PTPRT: variants seen among roughly 807,000 people sequenced by gnomAD.
The protein encoded by PTPRT is protein tyrosine phosphatase receptor type T, also known as receptor-type tyrosine-protein phosphatase T.
Under a neutral mutation model 176.8 loss-of-function variants are expected in PTPRT, and 56 were observed. The observed-to-expected ratio is 0.32, with a 90% CI of 0.26 to 0.40. PTPRT has a LOEUF of 0.40. Ranked by LOEUF, PTPRT falls within the 10% of genes least tolerant of loss-of-function variation. The pLI is 1.00. For missense variants in PTPRT, 1,540 were observed against 1,908.2 expected (o/e 0.81, Z 3.60); for synonymous variants, 783 against 739.0 (o/e 1.06, Z -0.96).
At chr20:42,394,793 A>G (rs1436535479) in intron 9 of PTPRT, among the ~76,000 whole-genome samples, 1 of 152,222 alleles carries the variant, frequency 6.6e-6, no homozygotes, top group Non-Finnish European at 1.5e-5. Flanking sequence ...TCAGTGCAAT[A>G]ATGAACAACT....
intron 12 of PTPRT, among the ~76,000 whole-genome samples, chr20:42,294,701 A>C (rs2147098398): frequency 6.6e-6 from 1 of 152,208 alleles, no homozygotes; most frequent in South Asian, 2.1e-4. Flanking sequence ...AACAGTCTAG[A>C]AGTAATATTA....
intron 6 of PTPRT, among the ~76,000 whole-genome samples, chr20:42,696,709 C>A (rs1306244867): frequency 1.3e-5 from 2 of 152,062 alleles, no homozygotes; most frequent in Non-Finnish European, 2.9e-5. Flanking sequence ...CCTGCTTTGG[C>A]CTTCCGAAGT....
At chr20:42,920,064 A>C (rs1029232651) in intron 1 of PTPRT, among the ~76,000 whole-genome samples, 5 of 152,246 alleles carry the variant, frequency 3.3e-5, no homozygotes, top group Non-Finnish European at 7.3e-5. Context: ...TGAATGTCCT[A>C]GATGATCAAG....
At chr20:42,856,747 A>G (rs2078570339) in intron 2 of PTPRT, among the ~76,000 whole-genome samples, 2 of 152,136 alleles carry the variant, frequency 1.3e-5, no homozygotes, top group Non-Finnish European at 2.9e-5. Flanking sequence ...GTCATCGTCA[A>G]TGACAGGACA....
chr20:42,657,539 G>T (rs6030397), intron 7 of PTPRT, among the ~76,000 whole-genome samples: 1 of 152,068 alleles, frequency 6.6e-6, no homozygotes, highest in African/African-American at 2.4e-5. Context: ...GCTTTATCTA[G>T]GTTGATGGCA....
Position 42,248,820 on chromosome 20 carries a change from C to A in PTPRT, c.2179G>T (p.Ala727Ser), listed in dbSNP as rs755171131. The change falls in exon 14 of 31, where the codon GCC becomes TCC. Residue 727 changes from alanine to serine, a missense_variant and splice_region_variant. Coordinates refer to ENST00000373187, the MANE Select transcript of PTPRT (RefSeq NM_007050.6). ...ACAGTGTTAGAATTCTGGGTGGAGG[C>A]ACCTAGGAAGGGAAAGGGAAGGATA... is the stretch of plus-strand genomic sequence containing the variant. Reference protein sequence around the residue: ...INCVRLATKGASTQNSNTVEP... With the variant: ...INCVRLATKGSSTQNSNTVEP... 1 of 1,613,698 alleles carries A rather than the reference C, an allele frequency of 6.2e-7. No individual in the cohort carries two copies. The highest frequency in any genetic ancestry group is 1.7e-5 in the Admixed American group (1 of 60,010).
intron 1 of PTPRT, among the ~76,000 whole-genome samples, chr20:42,975,893 A>C (rs1382035501): frequency 6.6e-6 from 1 of 151,708 alleles, no homozygotes; most frequent in East Asian, 1.9e-4. Flanking sequence ...ATTAAAAATT[A>C]AAAAAAACTA....
chr20:42,268,975 G>A (rs1276492707), intron 13 of PTPRT, among the ~76,000 whole-genome samples: 1 of 152,168 alleles, frequency 6.6e-6, no homozygotes, highest in Non-Finnish European at 1.5e-5. Context: ...AGGAGGTCAT[G>A]CATTCCCATG....
intron 5 of PTPRT, among the ~76,000 whole-genome samples, chr20:42,762,428 T>G (rs8126191): frequency 6.6e-6 from 1 of 152,050 alleles, no homozygotes; most frequent in African/African-American, 2.4e-5. Context: ...AGTCCCTTAA[T>G]GGAAAGCAAG....
chr20:42,573,395 G>A (rs2073193923), intron 7 of PTPRT, among the ~76,000 whole-genome samples: 1 of 152,138 alleles, frequency 6.6e-6, no homozygotes, highest in Admixed American at 6.5e-5. Flanking sequence ...CCATAGATAG[G>A]AGCTTTTCTG....
In PTPRT at chr20:42,185,063, AC is replaced by A. The variant is rs537907281; in HGVS notation, c.2491+14176del. Among the ~76,000 whole-genome samples, 206 of 151,976 alleles carry A rather than the reference AC, an allele frequency of 1.4e-3. 1 individual carries two copies. In the Middle Eastern group the frequency reaches 0.02, roughly 15 times the overall value. On this transcript the variant is annotated intron_variant, in intron 16 of 30. Coordinates refer to ENST00000373187, the MANE Select transcript of PTPRT (RefSeq NM_007050.6). ...GTCCAAATATCTTCCTTTTTACCTC[AC>A]AGTTTTTACTTCGGAGTTTCAATAA... is the stretch of plus-strand genomic sequence containing the variant.
At chr20:42,678,987 C>G (rs975877767) in intron 6 of PTPRT, among the ~76,000 whole-genome samples, 1 of 152,188 alleles carries the variant, frequency 6.6e-6, no homozygotes, top group Non-Finnish European at 1.5e-5. Context: ...TCAACCCCAG[C>G]AGGTTTCTTC....
At chr20:42,702,308 C>G (rs1321761139) in intron 6 of PTPRT, among the ~76,000 whole-genome samples, 1 of 152,102 alleles carries the variant, frequency 6.6e-6, no homozygotes, top group African/African-American at 2.4e-5. Context: ...AAGGTATTCT[C>G]TTCATCTTCT....
At chr20:42,985,806 C>T (rs1252707433) in intron 1 of PTPRT, among the ~76,000 whole-genome samples, 3 of 152,062 alleles carry the variant, frequency 2.0e-5, no homozygotes, top group East Asian at 1.9e-4. Context: ...ATGAGGAGTG[C>T]GCCCCCCAGA....
chr20:42,629,419 A>T (rs1313098756), intron 7 of PTPRT, among the ~76,000 whole-genome samples: 2 of 152,200 alleles, frequency 1.3e-5, no homozygotes, highest in Non-Finnish European at 2.9e-5. Context: ...CAACTAGGTG[A>T]GTGCTATTGA....
intron 15 of PTPRT, among the ~76,000 whole-genome samples, chr20:42,230,769 A>T (rs1343075456): frequency 6.6e-6 from 1 of 152,202 alleles, no homozygotes; most frequent in Admixed American, 6.5e-5. Context: ...TAGAATTGTG[A>T]AATAGGCCTG....
intron 1 of PTPRT, among the ~76,000 whole-genome samples, chr20:42,915,619 T>C (rs1978691436): frequency 6.6e-6 from 1 of 152,180 alleles, no homozygotes; most frequent in African/African-American, 2.4e-5. Flanking sequence ...TCTATCTGTC[T>C]ATCATTTACC....
intron 17 of PTPRT, among the ~76,000 whole-genome samples, chr20:42,155,451 G>C (rs933769919): frequency 6.6e-6 from 1 of 152,116 alleles, no homozygotes; most frequent in East Asian, 1.9e-4. Context: ...CGGCCAATTG[G>C]TTCTTATTTA....
chr20:42,165,166 G>A (rs1007598632), intron 16 of PTPRT, among the ~76,000 whole-genome samples: 1 of 151,922 alleles, frequency 6.6e-6, no homozygotes, highest in Non-Finnish European at 1.5e-5. Flanking sequence ...ATTCATCACC[G>A]CTGCTGCCCA....
Sources: gnomAD v4.1 joint callset for allele counts (sites outside exome capture counted in the v4.1 genomes callset) on GRCh38, gnomAD v4.1.1 for gene constraint, MANE v1.5 for transcripts, NCBI Gene and HGNC (gene_info 2026-07-23, HGNC 2026-07-21) for gene names.